The following PTPRN2 variants were observed in gnomAD, a reference collection of about 807,000 sequenced individuals.
PTPRN2 encodes protein tyrosine phosphatase receptor type N2.
In PTPRN2, 74 loss-of-function variants were observed where a neutral mutation model predicts 118.8. The observed-to-expected ratio is 0.62, with a 90% CI of 0.52 to 0.76. The LOEUF is 0.76. Ranked by LOEUF, PTPRN2 falls within the 30% of genes least tolerant of loss-of-function variation. PTPRN2 has a pLI of 0.00. For synonymous variants in PTPRN2, 641 were observed against 608.0 expected (o/e 1.05, Z -0.80); for missense variants, 1,481 against 1,394.4 (o/e 1.06, Z -0.99).
rs1304225463 is a variant in PTPRN2, at chr7:158,570,896, C to A, written c.112+16662G>T. ...ACACAAACGTGCATGGACCTGGTTA[C>A]CTCTGGCCTTCCTCTGCTCAGAAGC... On this transcript the variant is annotated intron_variant, in intron 1 of 22. Coordinates refer to ENST00000389418, the MANE Select transcript of PTPRN2 (RefSeq NM_002847.5). This position sits in a 1 kb window ranked among gnomAD's most constrained non-coding sequence, Gnocchi z 4.5. Among the ~76,000 whole-genome samples, 1 of 152,202 alleles carries A rather than the reference C, an allele frequency of 6.6e-6. No homozygotes were observed. Among genetic ancestry groups the A allele is most frequent in the Non-Finnish European group, 1.5e-5 (1 of 68,042 alleles).
At position 157,944,271 on chromosome 7, in the gene PTPRN2, G is replaced by A. The variant is rs769635981; in HGVS notation, c.1724-45534C>T. 4.6e-5 allele frequency among the ~76,000 whole-genome samples: 7 copies of A among 152,064 alleles called. No homozygotes were observed. The highest frequency in any genetic ancestry group is 7.4e-5 in the Non-Finnish European group (5 of 68,018). On this transcript the variant is annotated intron_variant, in intron 11 of 22. Transcript: ENST00000389418. This position sits in a 1 kb window ranked among gnomAD's most constrained non-coding sequence, Gnocchi z 4.3. ...GTCGCGAACGCCAGCCTGCCCCCAC[G>A]GTCATGTCCAGCTTAACCAACACAC... is the stretch of plus-strand genomic sequence containing the variant.
chr7:158,515,819 G>A (rs376191607), intron 1 of PTPRN2, among the ~76,000 whole-genome samples: 4 of 152,144 alleles, frequency 2.6e-5, no homozygotes, highest in African/African-American at 4.8e-5. Flanking sequence ...CACCTCCCAC[G>A]CTTCATCCTC....
chr7:158,130,914 C>CACACTCATAT, intron 9 of PTPRN2, among the ~76,000 whole-genome samples: 1 of 150,866 alleles, frequency 6.6e-6, no homozygotes, highest in South Asian at 2.1e-4. Context: ...TACCGACACA[C>CACACTCATAT]ACACTCATAC....
chr7:157,681,527 G>A (rs1796915482), intron 13 of PTPRN2, among the ~76,000 whole-genome samples: 1 of 152,180 alleles, frequency 6.6e-6, no homozygotes, highest in African/African-American at 2.4e-5. Flanking sequence ...CCAGAAAACT[G>A]GAGGCTTCCT....
chr7:158,334,676 C>T (rs368600893), intron 2 of PTPRN2, among the ~76,000 whole-genome samples: 5,991 of 25,408 alleles, frequency 0.24, 5 homozygotes, highest in Non-Finnish European at 0.3. Context: ...GCAGACGTCA[C>T]TCACACCCAC....
At chr7:157,980,991 G>C (rs546569067) in intron 11 of PTPRN2, among the ~76,000 whole-genome samples, 3 of 152,050 alleles carry the variant, frequency 2.0e-5, no homozygotes, top group South Asian at 2.1e-4. Context: ...GGGGACAGGT[G>C]GGGGGTAAGT....
rs146603901 is a variant in PTPRN2, at chr7:158,448,096, G to A, written c.163+41639C>T. On this transcript the variant is annotated intron_variant, in intron 2 of 22. Transcript: ENST00000389418. ...CGTGCCCCACTCCAGCCACTCCACC[G>A]CCAGGGCTGCTTTCTGGGACCACTC... Among the ~76,000 whole-genome samples the A allele has an allele frequency of 2.5e-3, 385 of 152,208 alleles. 1 individual carries two copies. The highest frequency in any genetic ancestry group is 8.8e-3 in the African/African-American group (365 of 41,514).
chr7:157,931,678 G>A (rs1336946394), intron 11 of PTPRN2, among the ~76,000 whole-genome samples: 1 of 152,154 alleles, frequency 6.6e-6, no homozygotes, highest in Non-Finnish European at 1.5e-5. Context: ...ATGACGAGGG[G>A]ACATTTTCAG....
At chr7:157,777,186 G>T (rs1361518787) in intron 12 of PTPRN2, among the ~76,000 whole-genome samples, 1 of 152,090 alleles carries the variant, frequency 6.6e-6, no homozygotes, top group Non-Finnish European at 1.5e-5. Context: ...CAATTTTAGA[G>T]AATGCTTGCA....
intron 12 of PTPRN2, among the ~76,000 whole-genome samples, chr7:157,827,993 C>T (rs998723013): frequency 1.3e-5 from 2 of 152,210 alleles, no homozygotes; most frequent in East Asian, 1.9e-4. Flanking sequence ...GTCCCTCAGA[C>T]GGCAGCTTGG....
intron 3 of PTPRN2, among the ~76,000 whole-genome samples, chr7:158,244,108 A>G (rs1390491121): frequency 6.6e-6 from 1 of 152,158 alleles, no homozygotes; most frequent in Non-Finnish European, 1.5e-5. Flanking sequence ...CTGACCACCA[A>G]TGCAGCACCC....
Position 158,526,992 on chromosome 7 carries a change from T to C in PTPRN2, c.113-37207A>G, listed in dbSNP as rs1277186871. Among the ~76,000 whole-genome samples the C allele has an allele frequency of 6.6e-6, 1 of 152,166 alleles. No individual in the cohort carries two copies. Among genetic ancestry groups the C allele is most frequent in the Non-Finnish European group, 1.5e-5 (1 of 68,030 alleles). On this transcript the variant is annotated intron_variant, in intron 1 of 22. Transcript: ENST00000389418. This position sits in a 1 kb window ranked among gnomAD's most constrained non-coding sequence, Gnocchi z 5.2. ...AGTTGGTGACCTCCTCAAACCTTCA[T>C]AAAGGCATAACTTGTAACAACACAA...
chr7:157,876,782 G>A (rs1488534677), intron 12 of PTPRN2, among the ~76,000 whole-genome samples: 1 of 152,216 alleles, frequency 6.6e-6, no homozygotes, highest in Non-Finnish European at 1.5e-5. Context: ...AAGAGGGAAG[G>A]TCGGGGCAGC....
chr7:158,166,836 C>T lies in PTPRN2; in HGVS notation c.910+95G>A, dbSNP rs369886862. The T allele has an allele frequency of 1.2e-3, 1,638 of 1,355,956 alleles. 17 individuals are homozygous for T. In the African/African-American group the frequency reaches 0.021, roughly 17 times the overall value. The allele number at this position is 1,355,956 out of a possible 1,614,324, so 84.0% of individuals were successfully genotyped here. On this transcript the variant is annotated intron_variant, in intron 6 of 22. Transcript: ENST00000389418. The stretch of plus-strand genomic sequence containing the variant: ...TCCTCGGGGGAGTGCGGTGTGCAGA[C>T]CCCACGTGTGGGAAGAGCATGGTGC...
intron 3 of PTPRN2, among the ~76,000 whole-genome samples, chr7:158,313,889 A>G (rs1288221088): frequency 4.6e-5 from 7 of 152,174 alleles, no homozygotes; most frequent in Non-Finnish European, 8.8e-5. Context: ...GGGCCACTAG[A>G]TATTTTTCTA....
intron 12 of PTPRN2, among the ~76,000 whole-genome samples, chr7:157,897,191 G>A (rs778085367): frequency 3.3e-5 from 5 of 152,108 alleles, no homozygotes; most frequent in African/African-American, 4.8e-5. Context: ...TGATGAGCTC[G>A]GAAGGGAGAG....
intron 13 of PTPRN2, among the ~76,000 whole-genome samples, chr7:157,670,869 A>C (rs1439516821): frequency 6.6e-6 from 1 of 152,272 alleles, no homozygotes; most frequent in East Asian, 1.9e-4. Context: ...ATCCGCCTTC[A>C]GAGCAGCCCA....
intron 1 of PTPRN2, among the ~76,000 whole-genome samples, chr7:158,548,083 C>T (rs756326875): frequency 6.6e-6 from 1 of 152,208 alleles, no homozygotes; most frequent in African/African-American, 2.4e-5. Flanking sequence ...GCAGCACCCT[C>T]GGCTCAGACT....
chr7:158,516,002 C>T (rs1479583191), intron 1 of PTPRN2, among the ~76,000 whole-genome samples: 1 of 152,150 alleles, frequency 6.6e-6, no homozygotes, highest in Non-Finnish European at 1.5e-5. Context: ...TTTCACTGTC[C>T]CCCTCCCCAC....
Sources: gnomAD v4.1 joint callset for allele counts (sites outside exome capture counted in the v4.1 genomes callset) on GRCh38, gnomAD v4.1.1 for gene constraint, Gnocchi (gnomAD v3.1) non-coding constraint, MANE v1.5 for transcripts, NCBI Gene and HGNC (gene_info 2026-07-23, HGNC 2026-07-21) for gene names.